SYT17: variants seen among roughly 807,000 people sequenced by gnomAD.
SYT17 encodes synaptotagmin-17.
Under a neutral mutation model 46.7 loss-of-function variants are expected in SYT17, and 22 were observed. That is an observed-to-expected ratio of 0.47 (90% confidence interval 0.34 to 0.67). The LOEUF (loss-of-function observed/expected upper bound fraction) is 0.67, where lower values mean the gene tolerates loss of function less well. SYT17 is among the 30% of genes least tolerant of loss of function. The pLI is 0.01. For synonymous variants in SYT17, 251 were observed against 248.4 expected (o/e 1.01, Z -0.10); for missense variants, 519 against 612.8 (o/e 0.85, Z 1.62).
intron 5 of SYT17, among the ~76,000 whole-genome samples, chr16:19,209,129 A>G (rs141174756): frequency 6.6e-6 from 1 of 152,110 alleles, no homozygotes; most frequent in East Asian, 1.9e-4. Context: ...TCAGCCTCTT[A>G]AAGTGATGGG....
intron 7 of SYT17, among the ~76,000 whole-genome samples, chr16:19,255,021 GC>G (rs1968461187): frequency 6.6e-6 from 1 of 152,140 alleles, no homozygotes; most frequent in Non-Finnish European, 1.5e-5. Flanking sequence ...ATAAGCCAAA[GC>G]AGCATTTCTC....
chr16:19,193,327 C>T (rs1482547062), intron 5 of SYT17, among the ~76,000 whole-genome samples: 1 of 152,198 alleles, frequency 6.6e-6, no homozygotes, highest in African/African-American at 2.4e-5. Flanking sequence ...TCTTACATTA[C>T]AAAGCCAGAT....
chr16:19,182,764 G>T (rs1964607791), intron 4 of SYT17, among the ~76,000 whole-genome samples: 1 of 152,256 alleles, frequency 6.6e-6, no homozygotes, highest in Non-Finnish European at 1.5e-5. Context: ...CTGGTTCATG[G>T]AAGGGAGAGA....
At chr16:19,220,209 A>G (rs149676169) in intron 5 of SYT17, among the ~76,000 whole-genome samples, 20 of 151,964 alleles carry the variant, frequency 1.3e-4, no homozygotes, top group African/African-American at 4.3e-4. Flanking sequence ...GTATGATGTG[A>G]AGGGGGCAGG....
intron 5 of SYT17, among the ~76,000 whole-genome samples, chr16:19,187,680 G>T (rs988652180): frequency 1.3e-5 from 2 of 152,142 alleles, no homozygotes; most frequent in African/African-American, 4.8e-5. Flanking sequence ...TGGAAATTAT[G>T]CTCTTTGAGT....
chr16:19,266,896 G>A lies in SYT17; in HGVS notation c.1245G>A (p.Met415Ile). Residue 415 changes from methionine (M) to isoleucine (I), a missense_variant, in exon 8 of 8, where the codon ATG (methionine) becomes ATA (isoleucine). Physicochemically the swap from Met to Ile is conservative, Grantham distance 10. Coordinates refer to ENST00000355377, the MANE Select transcript of SYT17 (RefSeq NM_016524.4). ...GCTCCCTAGTTTTCGGCCACAACAT[G>A]AAGAGCAGCAATGACTTCATCGGGA... ...SLVFTVFGHNMKSSNDFIGRI... is the reference protein window; with the variant it reads ...SLVFTVFGHNIKSSNDFIGRI... 6.2e-7 allele frequency: 1 copy of A among 1,613,138 alleles called. No homozygotes were observed. The highest frequency in any genetic ancestry group is 8.5e-7 in the Non-Finnish European group (1 of 1,179,752).
chr16:19,211,178 A>C (rs1965885611), intron 5 of SYT17: 1 of 444,738 alleles, frequency 2.2e-6, no homozygotes, highest in Non-Finnish European at 4.0e-6. Context: ...ACAAGAAAGG[A>C]AATGAGGCCT....
At chr16:19,215,246 T>C (rs1298129377) in intron 5 of SYT17, among the ~76,000 whole-genome samples, 3 of 152,184 alleles carry the variant, frequency 2.0e-5, no homozygotes, top group Non-Finnish European at 4.4e-5. Flanking sequence ...GAGGGCATCA[T>C]CCACTCCTAA....
At chr16:19,238,695 A>T (rs1337656674) in intron 7 of SYT17, among the ~76,000 whole-genome samples, 1 of 152,174 alleles carries the variant, frequency 6.6e-6, no homozygotes, top group Admixed American at 6.5e-5. Context: ...GGGGGAGAGC[A>T]TCGGGGAGCT....
chr16:19,234,039 G>A (rs1470660203), intron 7 of SYT17, among the ~76,000 whole-genome samples: 1 of 152,098 alleles, frequency 6.6e-6, no homozygotes, highest in African/African-American at 2.4e-5. Context: ...TCACCTTTTG[G>A]CCATTCACAG....
intron 5 of SYT17, among the ~76,000 whole-genome samples, chr16:19,199,401 C>G (rs1172058656): frequency 6.6e-6 from 1 of 152,066 alleles, no homozygotes; most frequent in Non-Finnish European, 1.5e-5. Context: ...GCTCAATATT[C>G]TTATTACCTG....
chr16:19,264,155 G>C (rs991353734), intron 7 of SYT17, among the ~76,000 whole-genome samples: 2 of 152,216 alleles, frequency 1.3e-5, no homozygotes, highest in Non-Finnish European at 1.5e-5. Context: ...CCAGTGGCTT[G>C]ATCTTGAACT....
intron 7 of SYT17, among the ~76,000 whole-genome samples, chr16:19,262,673 G>C (rs1969066687): frequency 6.6e-6 from 1 of 152,194 alleles, no homozygotes; most frequent in African/African-American, 2.4e-5. Context: ...CTGAGCCTTG[G>C]TGTCCAGCAT....
chr16:19,215,879 G>A (rs1170992959), intron 5 of SYT17, among the ~76,000 whole-genome samples: 1 of 152,196 alleles, frequency 6.6e-6, no homozygotes, highest in Non-Finnish European at 1.5e-5. Flanking sequence ...CAGAAGGCAA[G>A]GAGAGCAAGT....
At chr16:19,228,206 C>G (rs1966562037) in intron 7 of SYT17, among the ~76,000 whole-genome samples, 1 of 152,212 alleles carries the variant, frequency 6.6e-6, no homozygotes, top group South Asian at 2.1e-4. Flanking sequence ...ACAAGGGTAG[C>G]CACACCACAC....
intron 7 of SYT17, among the ~76,000 whole-genome samples, chr16:19,256,547 T>C (rs1968582991): frequency 7.2e-6 from 1 of 138,894 alleles, no homozygotes; most frequent in Admixed American, 7.4e-5. Context: ...AAGTAGGAAA[T>C]GGGTGAGTCT....
intron 5 of SYT17, among the ~76,000 whole-genome samples, chr16:19,204,858 C>T (rs1170232783): frequency 6.6e-6 from 1 of 152,064 alleles, no homozygotes; most frequent in Non-Finnish European, 1.5e-5. Context: ...CACTCCTACC[C>T]TGGACTGTTG....
Position 19,241,824 on chromosome 16 carries a change from T to G in SYT17, c.1228+16986T>G, listed in dbSNP as rs531004186. Among the ~76,000 whole-genome samples, 15 of 151,960 alleles carry G rather than the reference T, an allele frequency of 9.9e-5. No homozygotes were observed. The South Asian group carries it at 2.7e-3, about 27-fold the overall frequency. On this transcript the variant is annotated intron_variant, in intron 7 of 7. Transcript: ENST00000355377. Reference sequence around the variant, plus strand: ...TGGGTCCCATCCAGTCATACAAGGGTGGGGACAGCACAGTTGGCTGCCTTG... The same window carrying G: ...TGGGTCCCATCCAGTCATACAAGGGGGGGGACAGCACAGTTGGCTGCCTTG...
At chr16:19,189,638 G>C (rs1964935020) in intron 5 of SYT17, among the ~76,000 whole-genome samples, 1 of 152,204 alleles carries the variant, frequency 6.6e-6, no homozygotes, top group Admixed American at 6.5e-5. Context: ...ACGTGAGCCA[G>C]AATAGCTGCC....
Sources: allele counts gnomAD v4.1 joint callset (sites outside exome capture counted in the v4.1 genomes callset), GRCh38; gene constraint gnomAD v4.1.1; transcripts MANE v1.5; gene names NCBI Gene and HGNC (gene_info 2026-07-23, HGNC 2026-07-21).